The following CA9 variants were observed in gnomAD, a reference collection of about 807,000 sequenced individuals.
The protein encoded by CA9 is carbonic anhydrase 9.
In CA9, 43 loss-of-function variants were observed where a neutral mutation model predicts 51.8. The ratio of observed to expected loss-of-function variants is 0.83; its 90% confidence interval spans 0.65 to 1.07. The LOEUF is 1.07. Among genes scored for constraint, CA9 ranks in the 50% least tolerant of loss-of-function variants. The pLI is 0.00. For missense variants in CA9, 574 were observed against 581.4 expected (o/e 0.99, Z 0.13); for synonymous variants, 253 against 244.2 (o/e 1.04, Z -0.34).
chr9:35,674,058 G>T lies in CA9; in HGVS notation c.99G>T (p.Val33=). The T allele has an allele frequency of 1.2e-6, 2 of 1,614,204 alleles. No individual in the cohort carries two copies. Among genetic ancestry groups the T allele is most frequent in the Non-Finnish European group, 1.7e-6 (2 of 1,180,034 alleles). ...VQLLLSLLLL[V]PVHPQRLPRM... The stretch of plus-strand genomic sequence containing the variant: ...TGCTGCTGTCACTGCTGCTTCTGGT[G>T]CCTGTCCATCCCCAGAGGTTGCCCC... Residue 33 remains valine, a synonymous_variant, in exon 1 of 11, where the codon GTG becomes GTT. Coordinates refer to ENST00000378357, the MANE Select transcript of CA9 (RefSeq NM_001216.3).
chr9:35,677,924 A>AG, intron 6 of CA9, 68 bp downstream of exon 6: 1 of 1,382,896 alleles, frequency 7.2e-7, no homozygotes, highest in Non-Finnish European at 1.0e-6. Context: ...TTGGAGCTTC[A>AG]GGTCTGAGGC....
In CA9 at chr9:35,675,937, G is replaced by C. The variant is rs748554805; in HGVS notation, c.604+6G>C. ...GCGCAACAATGGCCACAGTGGTGAG[G>C]GGGTCTCCCCGCCGAGACTTGGGGA... On this transcript the variant is annotated splice_donor_region_variant and intron_variant, in intron 3 of 10. Transcript: ENST00000378357. The C allele has an allele frequency of 1.9e-6, 3 of 1,601,520 alleles. No homozygotes were observed. The highest frequency in any genetic ancestry group is 1.3e-5 in the African/African-American group (1 of 74,676).
At position 35,674,103 on chromosome 9, in the gene CA9, C is replaced by G; in HGVS notation, c.144C>G (p.Pro48=). ...QRLPRMQEDS[P]LGGGSSGEDD... is the part of the protein sequence containing the mutation. ...TGCCCCGGATGCAGGAGGATTCCCC[C>G]TTGGGAGGAGGCTCTTCTGGGGAAG... The change falls in exon 1 of 11, where the codon CCC becomes CCG. Residue 48 remains proline, a synonymous_variant. Coordinates refer to ENST00000378357, the MANE Select transcript of CA9 (RefSeq NM_001216.3). 1 of 1,614,140 alleles carries G rather than the reference C, an allele frequency of 6.2e-7. No homozygotes were observed.
At chr9:35,676,954 G>A (rs1824435055) in intron 5 of CA9, among the ~76,000 whole-genome samples, 1 of 152,196 alleles carries the variant, frequency 6.6e-6, no homozygotes, top group South Asian at 2.1e-4. Flanking sequence ...CCGGGTTCAA[G>A]GGATTCTCCT....
At chr9:35,679,730 GA>G in intron 7 of CA9, 123 bp from the exon 8 acceptor site, 2 of 876,514 alleles carry the variant, frequency 2.3e-6, no homozygotes, top group Non-Finnish European at 3.5e-6. Flanking sequence ...AAGAAATCAA[GA>G]GGCTGGATGG....
rs1824483500 is a variant in CA9, at chr9:35,679,261, G to C, written c.984G>C (p.Glu328Asp). The change falls in exon 7 of 11, where the codon GAG (glutamate) becomes GAC (aspartate). Residue 328 changes from glutamate to aspartate, a missense_variant. Transcript: ENST00000378357. ...ACTTCAGCCGCTACTTCCAATATGA[G>C]GGGTCTCTGACTACACCGCCCTGTG... is the stretch of plus-strand genomic sequence containing the variant. ...PSDFSRYFQY[E>D]GSLTTPPCAQ... 1.2e-6 allele frequency: 2 copies of C among 1,614,188 alleles called. No homozygotes were observed. The highest frequency in any genetic ancestry group is 1.7e-6 in the Non-Finnish European group (2 of 1,180,024).
rs1176888876 is a variant in CA9 at position 35,674,280 on chromosome 9, C to A, written c.321C>A (p.Ser107=). The change falls in exon 1 of 11, where the codon TCC becomes TCA. Residue 107 remains serine (S), a synonymous_variant. Coordinates refer to ENST00000378357, the MANE Select transcript of CA9 (RefSeq NM_001216.3). The part of the protein sequence containing the change: ...EVKPKSEEEG[S]LKLEDLPTVE... ...AGCCTAAATCAGAAGAAGAGGGCTC[C>A]CTGAAGTTAGAGGATCTACCTACTG... 7 of 1,614,058 alleles carry A rather than the reference C, an allele frequency of 4.3e-6. No homozygotes were observed. The highest frequency in any genetic ancestry group is 5.9e-6 in the Non-Finnish European group (7 of 1,179,978).
rs749261556 is a variant in CA9 at position 35,675,790 on chromosome 9, G to A, written c.463G>A (p.Ala155Thr). The A allele has an allele frequency of 2.5e-6, 4 of 1,602,798 alleles. No individual in the cohort carries two copies. In the Admixed American group the frequency reaches 6.7e-5, roughly 27 times the overall value. The change falls in exon 3 of 11, where the codon GCC becomes ACC. Residue 155 changes from alanine to threonine, a missense_variant. By Grantham distance (58) the Ala-to-Thr change is moderately conservative. Coordinates refer to ENST00000378357, the MANE Select transcript of CA9 (RefSeq NM_001216.3). ...CCCGCCCTGGCCCCGGGTGTCCCCA[G>A]CCTGCGCGGGCCGCTTCCAGTCCCC... Reference protein sequence around the residue: ...GDPPWPRVSPACAGRFQSPVD... With the variant: ...GDPPWPRVSPTCAGRFQSPVD...
rs76894152 is a variant in CA9, at chr9:35,677,796, C to T, written c.847C>T (p.Pro283Ser). ...AVLAAFLEEGPEENSAYEQLL... is the reference protein window; with the variant it reads ...AVLAAFLEEGSEENSAYEQLL... ...TTACAATGTCATCCCCCAGGAGGGC[C>T]CGGAAGAAAACAGTGCCTATGAGCA... The change falls in exon 6 of 11, where the codon CCG becomes TCG. Residue 283 changes from proline to serine, a missense_variant. Coordinates refer to ENST00000378357, the MANE Select transcript of CA9 (RefSeq NM_001216.3). 2.7e-3 allele frequency: 4,283 copies of T among 1,613,938 alleles called. 11 individuals carry two copies. Among genetic ancestry groups the T allele is most frequent in the Non-Finnish European group, 2.8e-3 (3,326 of 1,179,816 alleles).
rs1298804926 is a variant in CA9 at position 35,675,584 on chromosome 9, C to G, written c.433+17C>G. On this transcript the variant is annotated intron_variant, in intron 2 of 10. Coordinates refer to ENST00000378357, the MANE Select transcript of CA9 (RefSeq NM_001216.3). ...GCTATGGAGGTGAGACACCCACCCG[C>G]TGCACAGACCCAATCTGGGAACCCA... 6.2e-7 allele frequency: 1 copy of G among 1,613,856 alleles called. No individual in the cohort carries two copies. Among genetic ancestry groups the G allele is most frequent in the Admixed American group, 1.7e-5 (1 of 60,022 alleles).
chr9:35,679,302 G>T lies in CA9; in HGVS notation c.1025G>T (p.Trp342Leu). 6.2e-7 allele frequency: 1 copy of T among 1,614,142 alleles called. No individual in the cohort carries two copies. The highest frequency in any genetic ancestry group is 1.1e-5 in the South Asian group (1 of 91,066). The change falls in exon 7 of 11, where the codon TGG becomes TTG. Residue 342 changes from tryptophan to leucine, a missense_variant. Physicochemically the swap from Trp to Leu is moderately conservative, Grantham distance 61 (BLOSUM62 -2). Coordinates refer to ENST00000378357, the MANE Select transcript of CA9 (RefSeq NM_001216.3). ...TTPPCAQGVI[W>L]TVFNQTVMLS... is the part of the protein sequence containing the mutation. ...CCGCCCTGTGCCCAGGGTGTCATCTGGACTGTGTTTAACCAGACAGTGATG... is the reference window on the plus strand; with the variant it reads ...CCGCCCTGTGCCCAGGGTGTCATCTTGACTGTGTTTAACCAGACAGTGATG...
intron 2 of CA9, 91 bp downstream of exon 2, chr9:35,675,658 T>TTGCCCCCC: frequency 3.6e-6 from 5 of 1,407,082 alleles, no homozygotes; most frequent in Non-Finnish European, 3.0e-6. Context: ...GTCCCGGGCG[T>TTGCCCCCC]CCCACCCGCC....
chr9:35,676,112 G>C lies in CA9; in HGVS notation c.653G>C (p.Arg218Pro). The change falls in exon 4 of 11, where the codon CGG (arginine) becomes CCG (proline). Residue 218 changes from arginine (R) to proline (P), a missense_variant. Coordinates refer to ENST00000378357, the MANE Select transcript of CA9 (RefSeq NM_001216.3). Reference protein sequence around the residue: ...PGLEMALGPGREYRALQLHLH... With the variant: ...PGLEMALGPGPEYRALQLHLH... ...CTAGAGATGGCTCTGGGTCCCGGGC[G>C]GGAGTACCGGGCTCTGCAGCTGCAT... 1 of 1,613,716 alleles carries C rather than the reference G, an allele frequency of 6.2e-7. No individual in the cohort carries two copies. Among genetic ancestry groups the C allele is most frequent in the Non-Finnish European group, 8.5e-7 (1 of 1,179,880 alleles).
rs1824482660 is a variant in CA9, at chr9:35,679,230, C to T, written c.953C>T (p.Pro318Leu). The change falls in exon 7 of 11, where the codon CCC becomes CTC. Residue 318 changes from proline (P) to leucine (L), a missense_variant. Transcript: ENST00000378357. ...GGACTGGACATATCTGCACTCCTGC[C>T]CTCTGACTTCAGCCGCTACTTCCAA... ...VPGLDISALL[P>L]SDFSRYFQYE... The T allele has an allele frequency of 6.2e-7, 1 of 1,614,030 alleles. No homozygotes were observed. Among genetic ancestry groups the T allele is most frequent in the South Asian group, 1.1e-5 (1 of 91,088 alleles).
chr9:35,676,131 G>GCTGCAT lies in CA9; in HGVS notation c.678_683dup (p.Leu227_His228dup). ...CCGGGCGGGAGTACCGGGCTCTGCAGCTGCATCTGCACTGGGGGGCTGCAG... is the reference window on the plus strand; with the variant it reads ...CCGGGCGGGAGTACCGGGCTCTGCAGCTGCATCTGCATCTGCACTGGGGGGCTGCAG... On this transcript the variant is annotated inframe_insertion, in exon 4 of 11. Coordinates refer to ENST00000378357, the MANE Select transcript of CA9 (RefSeq NM_001216.3). 1 of 1,613,692 alleles carries GCTGCAT rather than the reference G, an allele frequency of 6.2e-7. No individual in the cohort carries two copies. The highest frequency in any genetic ancestry group is 8.5e-7 in the Non-Finnish European group (1 of 1,179,834).
intron 1 of CA9, chr9:35,674,930 G>T: frequency 6.4e-6 from 1 of 156,246 alleles, no homozygotes; most frequent in Non-Finnish European, 1.4e-5. Flanking sequence ...AGAAAGAAGG[G>T]AGAAAGGAAA....
intron 5 of CA9, among the ~76,000 whole-genome samples, chr9:35,676,915 T>G (rs1393757215): frequency 6.6e-6 from 1 of 152,136 alleles, no homozygotes; most frequent in Non-Finnish European, 1.5e-5. Flanking sequence ...TGCAGTGGTG[T>G]GATCTTGGGT....
At chr9:35,680,180 C>T in intron 9 of CA9, 41 bp downstream of exon 9, 1 of 1,612,902 alleles carries the variant, frequency 6.2e-7, no homozygotes, top group Non-Finnish European at 8.5e-7. Flanking sequence ...CCAGGAGACT[C>T]CTCAGCACCA....
chr9:35,679,162 C>T (rs748044883), intron 6 of CA9, 23 bp from the exon 7 acceptor site: 5 of 1,613,532 alleles, frequency 3.1e-6, no homozygotes, highest in Admixed American at 1.7e-5. Flanking sequence ...TAGATGAGAC[C>T]CCAACATAGA....
Sources: gnomAD v4.1 joint callset for allele counts (sites outside exome capture counted in the v4.1 genomes callset) on GRCh38, gnomAD v4.1.1 for gene constraint, MANE v1.5 for transcripts, NCBI Gene and HGNC (gene_info 2026-07-23, HGNC 2026-07-21) for gene names.